SPHKAP: variants seen among roughly 807,000 people sequenced by gnomAD.
SPHKAP encodes the protein SPHK1 interactor, AKAP domain containing.
A neutral mutation model predicts 137.5 loss-of-function variants in SPHKAP; 67 were observed. The observed-to-expected ratio is 0.49, with a 90% CI of 0.40 to 0.60. SPHKAP has a LOEUF of 0.60. Among genes scored for constraint, SPHKAP ranks in the 20% least tolerant of loss-of-function variants. The pLI, the probability that SPHKAP is intolerant of heterozygous loss-of-function variation, is 0.00. For synonymous variants in SPHKAP, 813 were observed against 785.3 expected, an observed-to-expected ratio of 1.04 and a Z score of -0.59; for missense variants, 2,097 against 2,069.3, an observed-to-expected ratio of 1.01 and a Z score of -0.26.
intron 8 of SPHKAP, chr2:227,994,124 T>C: frequency 2.1e-6 from 2 of 972,406 alleles, no homozygotes; most frequent in East Asian, 2.3e-4. Flanking sequence ...CCATAGGATT[T>C]CATAGGCTGA....
Position 228,021,797 on chromosome 2 carries a change from T to G in SPHKAP, c.611A>C (p.Asn204Thr). Residue 204 changes from asparagine to threonine, a missense_variant, in exon 6 of 12, where the codon AAC (asparagine) becomes ACC (threonine). Asn to Thr is a moderately conservative substitution (Grantham distance 65). Transcript: ENST00000392056. ...TTCCTCGATTGAAGATAAGGAACAG[T>G]TCGTGTCATCCTCCAGTTTCAAGAT... ...TNILKLEDDT[N>T]CSLSSIEEDF... 1 of 1,614,154 alleles carries G rather than the reference T, an allele frequency of 6.2e-7. No homozygotes were observed. Among genetic ancestry groups the G allele is most frequent in the Non-Finnish European group, 8.5e-7 (1 of 1,180,010 alleles).
At chr2:228,128,298 T>C (rs1559188647) in intron 2 of SPHKAP, among the ~76,000 whole-genome samples, 1 of 152,230 alleles carries the variant, frequency 6.6e-6, no homozygotes, top group South Asian at 2.1e-4. Context: ...TCACAGCATC[T>C]TCACTAGGAG....
At chr2:228,125,292 C>T (rs1188612304) in intron 2 of SPHKAP, among the ~76,000 whole-genome samples, 6 of 152,122 alleles carry the variant, frequency 3.9e-5, no homozygotes, top group Non-Finnish European at 7.3e-5. Flanking sequence ...ATAATGCTTT[C>T]AGAGGAAAGG....
intron 2 of SPHKAP, among the ~76,000 whole-genome samples, chr2:228,125,851 T>C (rs982162996): frequency 2.0e-5 from 3 of 151,800 alleles, no homozygotes; most frequent in African/African-American, 7.3e-5. Flanking sequence ...CCGAGGCGGG[T>C]GGACCATTTG....
chr2:227,982,486 A>G (rs955595338), intron 11 of SPHKAP: 16 of 447,408 alleles, frequency 3.6e-5, no homozygotes, highest in Non-Finnish European at 4.4e-5. Context: ...CAGCCTAGAG[A>G]GAAAGTCTGG....
At chr2:228,039,948 AG>A (rs1219326195) in intron 3 of SPHKAP, among the ~76,000 whole-genome samples, 1 of 152,164 alleles carries the variant, frequency 6.6e-6, no homozygotes, top group Non-Finnish European at 1.5e-5. Flanking sequence ...TGCGTCCACT[AG>A]GGGGAAATCA....
chr2:228,057,640 G>C (rs1422425312), intron 3 of SPHKAP, among the ~76,000 whole-genome samples: 2 of 152,178 alleles, frequency 1.3e-5, no homozygotes, highest in African/African-American at 4.8e-5. Flanking sequence ...GAGGTTTCCA[G>C]GTAGGGAACA....
chr2:228,134,882 C>T (rs974342855), intron 1 of SPHKAP, among the ~76,000 whole-genome samples: 3 of 152,110 alleles, frequency 2.0e-5, no homozygotes, highest in Admixed American at 6.5e-5. Context: ...CATGACTTTT[C>T]GCAGGGCTGG....
rs191248144 is a variant in SPHKAP at position 228,180,226 on chromosome 2, G to C, written c.32+1341C>G. On this transcript the variant is annotated intron_variant, in intron 1 of 11. Coordinates refer to ENST00000392056, the MANE Select transcript of SPHKAP (RefSeq NM_001142644.2). ...ACAGAAACCACAGCGGGCCTTTTCT[G>C]AACCATTTGCTATCCCCGCAGCGAA... is the stretch of plus-strand genomic sequence containing the variant. Among the ~76,000 whole-genome samples the C allele has an allele frequency of 4.4e-3, 667 of 152,228 alleles. 11 individuals carry two copies. Among genetic ancestry groups the C allele is most frequent in the Non-Finnish European group, 4.0e-3 (272 of 68,014 alleles).
chr2:228,117,162 C>T (rs570086674), intron 2 of SPHKAP, among the ~76,000 whole-genome samples: 1 of 152,150 alleles, frequency 6.6e-6, no homozygotes, highest in Admixed American at 6.6e-5. Flanking sequence ...ACTTTTCTCC[C>T]TACATGCCAT....
intron 2 of SPHKAP, among the ~76,000 whole-genome samples, chr2:228,129,528 T>A (rs533597480): frequency 6.6e-6 from 1 of 152,180 alleles, no homozygotes; most frequent in Non-Finnish European, 1.5e-5. Context: ...GAGTTTTGAA[T>A]GTATTTAGGT....
chr2:227,983,914 T>C (rs1479889953), intron 11 of SPHKAP, among the ~76,000 whole-genome samples: 9 of 152,076 alleles, frequency 5.9e-5, no homozygotes, highest in Non-Finnish European at 1.3e-4. Flanking sequence ...TGAGTGGGAA[T>C]ATACGTTGTG....
intron 5 of SPHKAP, chr2:228,022,241 GGGTAAAGTTAAACA>G (rs1239973230): frequency 1.0e-6 from 1 of 967,542 alleles, no homozygotes; most frequent in Non-Finnish European, 1.2e-6. Flanking sequence ...AAATTCAACT[GGGTAAAGTTAAACA>G]GGCAAAGAAG....
chr2:228,102,203 G>A (rs1338264241), intron 3 of SPHKAP, among the ~76,000 whole-genome samples: 4 of 151,388 alleles, frequency 2.6e-5, no homozygotes, highest in Non-Finnish European at 4.4e-5. Flanking sequence ...AACTCATTAT[G>A]TATTGAGATT....
At chr2:228,047,949 G>A (rs1377947603) in intron 3 of SPHKAP, among the ~76,000 whole-genome samples, 35 of 152,320 alleles carry the variant, frequency 2.3e-4, no homozygotes, top group East Asian at 3.9e-4. Context: ...AACGTGGAAA[G>A]GAGAGTACAC....
chr2:228,111,792 G>A (rs1240897713), intron 2 of SPHKAP, among the ~76,000 whole-genome samples: 1 of 152,040 alleles, frequency 6.6e-6, no homozygotes, highest in Non-Finnish European at 1.5e-5. Context: ...AAATTGTTCA[G>A]AGCCTGACTT....
chr2:227,985,960 T>C (rs1475137723), intron 11 of SPHKAP, among the ~76,000 whole-genome samples: 1 of 152,194 alleles, frequency 6.6e-6, no homozygotes, highest in East Asian at 1.9e-4. Context: ...GAGCTATCAG[T>C]CTGAGCCTTG....
At chr2:228,036,648 G>T (rs1002930872) in intron 3 of SPHKAP, among the ~76,000 whole-genome samples, 1 of 151,986 alleles carries the variant, frequency 6.6e-6, no homozygotes, top group Non-Finnish European at 1.5e-5. Flanking sequence ...GTCCAACAAT[G>T]ATAGACTGGA....
chr2:227,988,101 C>T (rs1260326246), intron 11 of SPHKAP, among the ~76,000 whole-genome samples: 1 of 152,100 alleles, frequency 6.6e-6, no homozygotes, highest in Non-Finnish European at 1.5e-5. Context: ...AACTACCTGG[C>T]TAATTCAATA....
Sources: allele counts gnomAD v4.1 joint callset (sites outside exome capture counted in the v4.1 genomes callset), GRCh38; gene constraint gnomAD v4.1.1; transcripts MANE v1.5; gene names NCBI Gene and HGNC (gene_info 2026-07-23, HGNC 2026-07-21).